The following MRPS15 variants were observed in gnomAD, a reference collection of about 807,000 sequenced individuals.
MRPS15 encodes mitochondrial ribosomal protein S15.
MRPS15 carries 25 observed loss-of-function variants against 30.7 expected under a neutral mutation model. The observed-to-expected ratio is 0.81, with a 90% confidence interval of 0.59 to 1.14. The LOEUF (loss-of-function observed/expected upper bound fraction) is 1.14. Among genes scored for constraint, MRPS15 ranks in the 50% most tolerant of loss-of-function variants. MRPS15 has a pLI of 0.00. For synonymous variants in MRPS15, 124 were observed against 120.1 expected (o/e 1.03, Z -0.21); for missense variants, 313 against 321.7 (o/e 0.97, Z 0.21).
rs1650031313 is a variant in MRPS15 at position 36,458,029 on chromosome 1, A to C, written c.386-48T>G. ...ATGAGAGTTGGGCACAGAGGAAGGAAGGGCCCAGGCCTGGTTTACGTTTTA... is the reference window on the plus strand; with the variant it reads ...ATGAGAGTTGGGCACAGAGGAAGGACGGGCCCAGGCCTGGTTTACGTTTTA... On this transcript the variant is annotated intron_variant, in intron 5 of 7. Coordinates refer to ENST00000373116, the MANE Select transcript of MRPS15 (RefSeq NM_031280.4). The surrounding 1 kb of genome is among the most constrained non-coding windows in gnomAD (Gnocchi z 4.5). 1.1e-5 allele frequency: 17 copies of C among 1,536,206 alleles called. No individual in the cohort carries two copies. Among genetic ancestry groups the C allele is most frequent in the Non-Finnish European group, 1.4e-5 (16 of 1,109,128 alleles).
chr1:36,457,777 T>C (rs1650022064), intron 6 of MRPS15, 146 bp downstream of exon 6: 4 of 723,512 alleles, frequency 5.5e-6, no homozygotes, highest in Non-Finnish European at 9.7e-6. Context: ...CAGCATGGCC[T>C]TGTAAGGCTC....
In MRPS15 at chr1:36,464,315, C is replaced by A. The variant is rs777740585; in HGVS notation, c.-40G>T. Reference sequence around the variant, plus strand: ...CCCGCGGGGCCCGCGCCGCGGCCGCCGTTCGCTTTGCGGCACGGACCGGGT... The same window carrying A: ...CCCGCGGGGCCCGCGCCGCGGCCGCAGTTCGCTTTGCGGCACGGACCGGGT... On this transcript the variant is annotated 5_prime_UTR_variant, in exon 1 of 8. Transcript: ENST00000373116. 6.3e-7 allele frequency: 1 copy of A among 1,591,144 alleles called. No homozygotes were observed.
Position 36,461,764 on chromosome 1 carries a change from A to G in MRPS15, c.251+324T>C, listed in dbSNP as rs376319373. On this transcript the variant is annotated intron_variant, in intron 3 of 7. Coordinates refer to ENST00000373116, the MANE Select transcript of MRPS15 (RefSeq NM_031280.4). ...ATGACACTGGACAGCTTGAAAATCT[A>G]TAAAATGGGGACATACAGCTTTTGT... 3.9e-5 allele frequency among the ~76,000 whole-genome samples: 6 copies of G among 152,290 alleles called. No individual in the cohort carries two copies. In the East Asian group the frequency reaches 5.8e-4, roughly 15 times the overall value.
At chr1:36,463,986 C>T (rs1650154143) in intron 1 of MRPS15, 136 bp from the exon 2 acceptor site, 2 of 1,500,426 alleles carry the variant, frequency 1.3e-6, no homozygotes, top group South Asian at 1.3e-5. Context: ...TTCTTCCCTA[C>T]CCCTTGTCTC....
chr1:36,463,657 C>CT, intron 2 of MRPS15, 149 bp downstream of exon 2: 1 of 868,940 alleles, frequency 1.2e-6, no homozygotes. Context: ...AGGCCTAGGG[C>CT]TTTGTGTAAG....
At chr1:36,460,300 C>T (rs1360136451) in intron 5 of MRPS15, among the ~76,000 whole-genome samples, 2 of 152,228 alleles carry the variant, frequency 1.3e-5, no homozygotes, top group Admixed American at 1.3e-4. Context: ...GCCACCGCGC[C>T]TGGCCTAGTC....
In MRPS15 at chr1:36,458,771, C is replaced by G. The variant is rs955208729; in HGVS notation, c.386-790G>C. On this transcript the variant is annotated intron_variant, in intron 5 of 7. Coordinates refer to ENST00000373116, the MANE Select transcript of MRPS15 (RefSeq NM_031280.4). The surrounding 1 kb of genome is among the most constrained non-coding windows in gnomAD (Gnocchi z 4.5). ...TTCAGAATTATCAGCTCCCACTTGTCTCTCAAGAACCCAGGATATCGTTCA... is the reference window on the plus strand; with the variant it reads ...TTCAGAATTATCAGCTCCCACTTGTGTCTCAAGAACCCAGGATATCGTTCA... The G allele has an allele frequency of 1.3e-5, 2 of 152,260 alleles. No individual in the cohort carries two copies. The highest frequency in any genetic ancestry group is 1.3e-4 in the Admixed American group (2 of 15,284). 9.4% of individuals were successfully genotyped at this position (152,260 alleles called of 1,614,324 possible).
rs1212159686 is a variant in MRPS15 at position 36,464,124 on chromosome 1, G to T, written c.130+22C>A. ...CGAACCCTGTTTCCCTACGCCCGCC[G>T]TCCCATTTCTCAGCTCCTCACTTCG... On this transcript the variant is annotated intron_variant, in intron 1 of 7. Coordinates refer to ENST00000373116, the MANE Select transcript of MRPS15 (RefSeq NM_031280.4). 5.6e-6 allele frequency: 9 copies of T among 1,601,748 alleles called. No individual in the cohort carries two copies. The Admixed American group carries it at 1.6e-4, about 28-fold the overall frequency.
At chr1:36,460,596 C>T in intron 5 of MRPS15, 96 bp downstream of exon 5, 3 of 931,218 alleles carry the variant, frequency 3.2e-6, no homozygotes, top group South Asian at 1.4e-5. Flanking sequence ...TCCCTTTCCC[C>T]AGCCCATGTG....
Position 36,461,214 on chromosome 1 carries a change from T to A in MRPS15, c.300+50A>T, listed in dbSNP as rs755490190. 13 of 1,583,850 alleles carry A rather than the reference T, an allele frequency of 8.2e-6. No individual in the cohort carries two copies. The East Asian group carries it at 2.9e-4, about 35-fold the overall frequency. On this transcript the variant is annotated intron_variant, in intron 4 of 7. Coordinates refer to ENST00000373116, the MANE Select transcript of MRPS15 (RefSeq NM_031280.4). The stretch of plus-strand genomic sequence containing the variant: ...GGGTGCTAATCAGGGTAGAAGGGAG[T>A]CCCAGAGGAGAAGACTGCGGGAGGC...
Position 36,458,334 on chromosome 1 carries a change from TTC to T in MRPS15, c.386-355_386-354del, listed in dbSNP as rs1316039547. On this transcript the variant is annotated intron_variant, in intron 5 of 7. Transcript: ENST00000373116. This position sits in a 1 kb window ranked among gnomAD's most constrained non-coding sequence, Gnocchi z 4.5. ...GCCTCTGCCTCCCAGGTTCAGGTGA[TTC>T]TCTTGCCTCAGACTCCAGAGCAGCT... The T allele has an allele frequency of 5.3e-6, 1 of 187,302 alleles. No individual in the cohort carries two copies. Among genetic ancestry groups the T allele is most frequent in the Non-Finnish European group, 1.1e-5 (1 of 89,418 alleles). 11.6% of individuals were successfully genotyped at this position (187,302 alleles called of 1,614,324 possible). A position where few individuals can be genotyped will look rare whatever the true frequency, so the allele number is the denominator to read the frequency against.
chr1:36,456,488 A>AATTCTGC, intron 6 of MRPS15, 110 bp from the exon 7 acceptor site: 1 of 1,032,948 alleles, frequency 9.7e-7, no homozygotes, highest in Non-Finnish European at 1.4e-6. Context: ...AATCTTATGC[A>AATTCTGC]AATATTAATG....
At chr1:36,457,887 G>T in intron 6 of MRPS15, 36 bp downstream of exon 6, 1 of 1,603,850 alleles carries the variant, frequency 6.2e-7, no homozygotes, top group Non-Finnish European at 8.5e-7. Context: ...CCCCCAGGCT[G>T]CTGCTGTTTA....
rs16823045 is a variant in MRPS15, at chr1:36,458,042, G to C, written c.386-61C>G. 0.087 allele frequency: 126,621 copies of C among 1,461,330 alleles called. 5,952 individuals are homozygous for C. The highest frequency in any genetic ancestry group is 0.14 in the Middle Eastern group (827 of 5,794). The allele number at this position is 1,461,330 out of a possible 1,614,324, so 90.5% of individuals were successfully genotyped here. A position where few individuals can be genotyped will look rare whatever the true frequency, so the allele number is the denominator to read the frequency against. On this transcript the variant is annotated intron_variant, in intron 5 of 7. Transcript: ENST00000373116. This position sits in a 1 kb window ranked among gnomAD's most constrained non-coding sequence, Gnocchi z 4.5. ...ACAGAGGAAGGAAGGGCCCAGGCCTGGTTTACGTTTTAAGAACTCAAGGAA... is the reference window on the plus strand; with the variant it reads ...ACAGAGGAAGGAAGGGCCCAGGCCTCGTTTACGTTTTAAGAACTCAAGGAA...
intron 6 of MRPS15, among the ~76,000 whole-genome samples, chr1:36,457,358 T>C (rs12048722): frequency 0.26 from 40,052 of 151,680 alleles, 5,926 homozygotes; most frequent in Middle Eastern, 0.4. Context: ...CACTTCCCAG[T>C]GCTATGCCTT....
chr1:36,464,361 G>A lies in MRPS15; in HGVS notation c.-86C>T. On this transcript the variant is annotated 5_prime_UTR_variant, in exon 1 of 8. Coordinates refer to ENST00000373116, the MANE Select transcript of MRPS15 (RefSeq NM_031280.4). Reference sequence around the variant, plus strand: ...CGGGTTACATGGGCGCCGCCATGCTGGCCCAGGATCGACCAATCGAGGCAG... The same window carrying A: ...CGGGTTACATGGGCGCCGCCATGCTAGCCCAGGATCGACCAATCGAGGCAG... 1.3e-6 allele frequency: 2 copies of A among 1,517,374 alleles called. No individual in the cohort carries two copies. The highest frequency in any genetic ancestry group is 2.3e-5 in the East Asian group (1 of 42,790). The allele number at this position is 1,517,374 out of a possible 1,614,324, so 94.0% of individuals were successfully genotyped here.
At chr1:36,456,156 G>T in intron 7 of MRPS15, 31 bp downstream of exon 7, 1 of 1,580,764 alleles carries the variant, frequency 6.3e-7, no homozygotes, top group Non-Finnish European at 8.6e-7. Context: ...CCCTGAGTGG[G>T]GCCAAGCAAA....
In MRPS15 at chr1:36,455,773, A is replaced by G; in HGVS notation, c.*15T>C. The stretch of plus-strand genomic sequence containing the variant: ...CTATCATTCTTCAAGACAGAAAGAA[A>G]TGATTGAACAGAATTTATTGGCTGT... On this transcript the variant is annotated 3_prime_UTR_variant, in exon 8 of 8. Transcript: ENST00000373116. 1 of 1,611,988 alleles carries G rather than the reference A, an allele frequency of 6.2e-7. No homozygotes were observed. The highest frequency in any genetic ancestry group is 8.5e-7 in the Non-Finnish European group (1 of 1,179,558).
At chr1:36,459,236 A>C (rs1461515505) in intron 5 of MRPS15, 2 of 152,014 alleles carry the variant, frequency 1.3e-5, no homozygotes, top group African/African-American at 4.8e-5. Flanking sequence ...TCTACCAAAA[A>C]CACAAAAATT....
Sources: allele counts gnomAD v4.1 joint callset (sites outside exome capture counted in the v4.1 genomes callset), GRCh38; gene constraint gnomAD v4.1.1; non-coding constraint Gnocchi (gnomAD v3.1); transcripts MANE v1.5; gene names NCBI Gene and HGNC (gene_info 2026-07-23, HGNC 2026-07-21).